Variants in DHX57 observed in about 807,000 individuals in gnomAD.
The protein encoded by DHX57 is DExH-box helicase 57.
A neutral mutation model predicts 156.2 loss-of-function variants in DHX57; 105 were observed. That is an observed-to-expected ratio of 0.67 (90% CI 0.57 to 0.79). The LOEUF is 0.79. DHX57 is among the 30% of genes least tolerant of loss of function. The pLI, the probability that DHX57 is intolerant of heterozygous loss-of-function variation, is 0.00. For synonymous variants in DHX57, 704 were observed against 595.6 expected (o/e 1.18, Z -2.65); for missense variants, 1,847 against 1,661.9 (o/e 1.11, Z -1.94).
At chr2:38,838,494 C>T (rs1671806397) in intron 12 of DHX57, among the ~76,000 whole-genome samples, 1 of 152,182 alleles carries the variant, frequency 6.6e-6, no homozygotes, top group South Asian at 2.1e-4. Flanking sequence ...GTTGGAAAGA[C>T]CCAGATGGGC....
intron 10 of DHX57, 73 bp from the exon 11 acceptor site, chr2:38,847,146 T>C: frequency 1.7e-6 from 2 of 1,190,496 alleles, no homozygotes; most frequent in Middle Eastern, 1.9e-4. Flanking sequence ...TTTATATATA[T>C]AAAATTCTCT....
intron 8 of DHX57, 85 bp from the exon 9 acceptor site, chr2:38,854,263 T>A: frequency 7.2e-7 from 1 of 1,395,456 alleles, no homozygotes; most frequent in Non-Finnish European, 9.7e-7. Flanking sequence ...GAATGGATAG[T>A]GATAAAAAAT....
At position 38,798,462 on chromosome 2, in the gene DHX57, A is replaced by G. The variant is rs1043677995; in HGVS notation, c.4018-20T>C. The G allele has an allele frequency of 6.2e-7, 1 of 1,602,056 alleles. No homozygotes were observed. Among genetic ancestry groups the G allele is most frequent in the Non-Finnish European group, 8.5e-7 (1 of 1,175,232 alleles). On this transcript the variant is annotated intron_variant, in intron 23 of 23. Transcript: ENST00000457308. ...AGCCACCTAAAATGAAAGCTACAAT[A>G]TAAGCAGTGCTTGGAGGAACAGGCA...
chr2:38,868,569 G>T (rs1245591809), intron 1 of DHX57, among the ~76,000 whole-genome samples, 158 bp from the exon 2 acceptor site: 1 of 152,144 alleles, frequency 6.6e-6, no homozygotes, highest in Non-Finnish European at 1.5e-5. Flanking sequence ...ATCTGTTCCA[G>T]TGAAAAAATT....
chr2:38,856,578 A>T, intron 6 of DHX57, 117 bp from the exon 7 acceptor site: 1 of 1,306,106 alleles, frequency 7.7e-7, no homozygotes, highest in Non-Finnish European at 1.0e-6. Flanking sequence ...ATCACGGCTC[A>T]CTCCAATCTG....
chr2:38,853,062 T>TTCTTTTCTTTTCTTTTCTTG, intron 9 of DHX57: 1 of 176,810 alleles, frequency 5.7e-6, no homozygotes, highest in Non-Finnish European at 1.1e-5. Flanking sequence ...TTCTTTTCTT[T>TTCTTTTCTTTTCTTTTCTTG]TCTTTTCTTT....
chr2:38,804,936 G>C (rs1455800737), intron 22 of DHX57, among the ~76,000 whole-genome samples: 1 of 152,128 alleles, frequency 6.6e-6, no homozygotes, highest in Non-Finnish European at 1.5e-5. Context: ...CTGAGATTCT[G>C]TTTACTTATG....
chr2:38,809,919 A>G (rs779418555), intron 21 of DHX57, among the ~76,000 whole-genome samples: 6 of 151,802 alleles, frequency 4.0e-5, no homozygotes, highest in Middle Eastern at 3.4e-3. Context: ...TTTGAGACGG[A>G]GTCATGTTCT....
chr2:38,803,556 C>T (rs975136629), intron 22 of DHX57, among the ~76,000 whole-genome samples: 9 of 148,274 alleles, frequency 6.1e-5, no homozygotes, highest in Admixed American at 1.4e-4. Flanking sequence ...GGTGTGATCT[C>T]GGCTCACTGC....
intron 22 of DHX57, among the ~76,000 whole-genome samples, chr2:38,805,779 TC>T (rs1669906674): frequency 6.6e-6 from 1 of 151,922 alleles, no homozygotes; most frequent in East Asian, 1.9e-4. Context: ...CTAAAAGACT[TC>T]TAGCTGATGT....
intron 10 of DHX57, 93 bp from the exon 11 acceptor site, chr2:38,847,166 T>C: frequency 3.0e-6 from 3 of 1,010,212 alleles, no homozygotes; most frequent in Non-Finnish European, 4.4e-6. Context: ...TTAAAGCTTG[T>C]CATGCTAACG....
At position 38,825,653 on chromosome 2, in the gene DHX57, G is replaced by C. The variant is rs117517065; in HGVS notation, c.3014+194C>G. On this transcript the variant is annotated intron_variant, in intron 16 of 23. Transcript: ENST00000457308. ...TTTAGGGCCATGCTCTGCAATGTAA[G>C]AGATCTTTATGTGCAGAAATTTAAA... 4.5e-3 allele frequency among the ~76,000 whole-genome samples: 683 copies of C among 152,262 alleles called. 3 individuals are homozygous for C. The highest frequency in any genetic ancestry group is 0.01 in the African/African-American group (419 of 41,560).
chr2:38,871,423 T>G (rs1289900098), intron 1 of DHX57, among the ~76,000 whole-genome samples: 1 of 152,166 alleles, frequency 6.6e-6, no homozygotes. Flanking sequence ...TTAATAGATA[T>G]AATATGTATA....
intron 12 of DHX57, among the ~76,000 whole-genome samples, chr2:38,841,650 A>G (rs1343594864): frequency 6.6e-6 from 1 of 152,216 alleles, no homozygotes; most frequent in Non-Finnish European, 1.5e-5. Context: ...TGAACAATAA[A>G]CACCCTTTTT....
rs1394546648 is a variant in DHX57 at position 38,858,779 on chromosome 2, A to G, written c.1469T>C (p.Ile490Thr). 2 of 1,614,088 alleles carry G rather than the reference A, an allele frequency of 1.2e-6. No homozygotes were observed. The highest frequency in any genetic ancestry group is 1.3e-5 in the African/African-American group (1 of 75,054). Residue 490 changes from isoleucine (I) to threonine (T), a missense_variant, in exon 6 of 24, where the codon ATA (isoleucine) becomes ACA (threonine). Coordinates refer to ENST00000457308, the MANE Select transcript of DHX57 (RefSeq NM_198963.3). ...GTTCACATAGCTTTCATTCTCTACTATAACAGGTGCAGGACCGTCATCCTC... is the reference window on the plus strand; with the variant it reads ...GTTCACATAGCTTTCATTCTCTACTGTAACAGGTGCAGGACCGTCATCCTC... The part of the protein sequence containing the change: ...SDEDDGPAPV[I>T]VENESYVNLK...
At chr2:38,856,125 C>T (rs779112782) in intron 7 of DHX57, among the ~76,000 whole-genome samples, 1 of 152,164 alleles carries the variant, frequency 6.6e-6, no homozygotes, top group Non-Finnish European at 1.5e-5. Context: ...AGATAAAAAG[C>T]TCTCAAGCTA....
chr2:38,839,635 C>T (rs935625433), intron 12 of DHX57, among the ~76,000 whole-genome samples: 4 of 150,994 alleles, frequency 2.6e-5, no homozygotes, highest in Non-Finnish European at 5.9e-5. Flanking sequence ...GCAGGAGATT[C>T]GCTTGAACCC....
At chr2:38,819,342 T>C (rs1332820582) in intron 17 of DHX57, among the ~76,000 whole-genome samples, 198 bp from the exon 18 acceptor site, 1 of 152,164 alleles carries the variant, frequency 6.6e-6, no homozygotes, top group East Asian at 1.9e-4. Flanking sequence ...GCCAGCTAAT[T>C]TTTTAAAATT....
intron 17 of DHX57, among the ~76,000 whole-genome samples, chr2:38,820,430 T>C (rs556336458): frequency 6.6e-6 from 1 of 151,950 alleles, no homozygotes; most frequent in African/African-American, 2.4e-5. Flanking sequence ...AAACCAGACA[T>C]CAACGTCTCT....
Sources: gnomAD v4.1 joint callset for allele counts (sites outside exome capture counted in the v4.1 genomes callset) on GRCh38, gnomAD v4.1.1 for gene constraint, MANE v1.5 for transcripts, NCBI Gene and HGNC (gene_info 2026-07-23, HGNC 2026-07-21) for gene names.